Variants in DLC1 observed in about 807,000 individuals in gnomAD.
The protein encoded by DLC1 is DLC1 Rho GTPase activating protein, also known as rho GTPase-activating protein 7.
DLC1 carries 54 observed loss-of-function variants against 140.3 expected under a neutral mutation model. The observed-to-expected ratio is 0.38, with a 90% confidence interval of 0.31 to 0.48. The LOEUF (loss-of-function observed/expected upper bound fraction) is 0.48, where lower values mean the gene tolerates loss of function less well. Ranked by LOEUF, DLC1 falls within the 20% of genes least tolerant of loss-of-function variation. The pLI is 0.96. For missense variants in DLC1, 2,536 were observed against 1,907.0 expected (o/e 1.33, Z -6.14); for synonymous variants, 986 against 728.1 (o/e 1.35, Z -5.70).
chr8:13,487,513 A>G (rs1292876111), intron 2 of DLC1, among the ~76,000 whole-genome samples: 1 of 152,054 alleles, frequency 6.6e-6, no homozygotes, highest in Non-Finnish European at 1.5e-5. Context: ...CGAACAGCAT[A>G]GCTGTTGAAC....
chr8:13,409,936 A>G (rs7815230), intron 2 of DLC1, among the ~76,000 whole-genome samples: 12,374 of 152,146 alleles, frequency 0.081, 1,239 homozygotes, highest in East Asian at 0.44. Context: ...GGATGTATTC[A>G]TAGCACAGCT....
intron 5 of DLC1, among the ~76,000 whole-genome samples, chr8:13,275,490 A>G (rs1375600272): frequency 6.6e-6 from 1 of 152,218 alleles, no homozygotes; most frequent in Non-Finnish European, 1.5e-5. Flanking sequence ...AGAGCAAACA[A>G]GAAGGCACCA....
At chr8:13,143,767 G>A (rs904572818) in intron 5 of DLC1, among the ~76,000 whole-genome samples, 3 of 150,534 alleles carry the variant, frequency 2.0e-5, no homozygotes, top group African/African-American at 4.9e-5. Flanking sequence ...AATGTAAGAA[G>A]TTTGGTTGCC....
intron 2 of DLC1, among the ~76,000 whole-genome samples, chr8:13,438,755 G>A (rs1014367025): frequency 3.3e-5 from 5 of 152,058 alleles, no homozygotes; most frequent in Admixed American, 3.3e-4. Context: ...TGTCATCTCT[G>A]TGCAGGAAAC....
At chr8:13,161,654 C>G (rs573772886) in intron 5 of DLC1, among the ~76,000 whole-genome samples, 1 of 152,250 alleles carries the variant, frequency 6.6e-6, no homozygotes, top group Admixed American at 6.5e-5. Flanking sequence ...CTTTCCCTGT[C>G]CCTGCCCCTT....
At chr8:13,292,761 T>C (rs781559047) in intron 5 of DLC1, among the ~76,000 whole-genome samples, 11 of 152,378 alleles carry the variant, frequency 7.2e-5, no homozygotes, top group Admixed American at 2.6e-4. Context: ...TTTAAGAGTC[T>C]TCATTTTTAA....
At chr8:13,143,846 G>GGGAGAGAGAGAGAGAC (rs1823216442) in intron 5 of DLC1, among the ~76,000 whole-genome samples, 1 of 148,388 alleles carries the variant, frequency 6.7e-6, no homozygotes, top group Non-Finnish European at 1.5e-5. Flanking sequence ...GAGAGAGAGA[G>GGGAGAGAGAGAGAGAC]AGAGAGACAT....
chr8:13,102,620 T>C (rs1293945123), intron 8 of DLC1, among the ~76,000 whole-genome samples, 170 bp downstream of exon 8: 1 of 152,256 alleles, frequency 6.6e-6, no homozygotes, highest in African/African-American at 2.4e-5. Flanking sequence ...TTGCAACTAT[T>C]GGCTTCAACT....
chr8:13,188,843 A>ATATT (rs1247995559), intron 5 of DLC1, among the ~76,000 whole-genome samples: 8 of 30,668 alleles, frequency 2.6e-4, no homozygotes, highest in African/African-American at 8.6e-4. Context: ...ATATATATAT[A>ATATT]TTTTTTTTTT....
chr8:13,526,744 G>A (rs1209603957), intron 1 of DLC1, among the ~76,000 whole-genome samples: 4 of 151,958 alleles, frequency 2.6e-5, no homozygotes, highest in Non-Finnish European at 4.4e-5. Context: ...GACACAGGAA[G>A]GGGAACATCA....
At chr8:13,380,335 T>C (rs780170839) in intron 4 of DLC1, among the ~76,000 whole-genome samples, 44 of 152,370 alleles carry the variant, frequency 2.9e-4, no homozygotes, top group Non-Finnish European at 6.0e-4. Context: ...TTTGTATTTG[T>C]TTCCATTGTA....
intron 3 of DLC1, among the ~76,000 whole-genome samples, chr8:13,398,162 TA>T (rs747058022): frequency 1.3e-5 from 2 of 151,662 alleles, no homozygotes; most frequent in Non-Finnish European, 2.9e-5. Context: ...CTCTAAAAAA[TA>T]AAAATAAATT....
Position 13,148,380 on chromosome 8 carries a change from C to T in DLC1, c.1349-32723G>A, listed in dbSNP as rs148667951. On this transcript the variant is annotated intron_variant, in intron 5 of 17. Coordinates refer to ENST00000276297, the MANE Select transcript of DLC1 (RefSeq NM_182643.3). The stretch of plus-strand genomic sequence containing the variant: ...GCTCCCACTTACAAGTGAGAACATG[C>T]AGTATTTGGTTTTCTGTTCCTGTTA... Among the ~76,000 whole-genome samples, 1,203 of 152,272 alleles carry T rather than the reference C, an allele frequency of 7.9e-3. 13 individuals are homozygous for T. The highest frequency in any genetic ancestry group is 0.027 in the African/African-American group (1,112 of 41,544).
At chr8:13,271,147 T>A (rs1326157478) in intron 5 of DLC1, among the ~76,000 whole-genome samples, 1 of 152,210 alleles carries the variant, frequency 6.6e-6, no homozygotes. Flanking sequence ...AGATACATGT[T>A]CACATTGCAA....
At chr8:13,289,308 A>G (rs1831664959) in intron 5 of DLC1, among the ~76,000 whole-genome samples, 1 of 152,090 alleles carries the variant, frequency 6.6e-6, no homozygotes, top group African/African-American at 2.4e-5. Context: ...TTCCTGCCTC[A>G]GCCTCCAGAG....
intron 4 of DLC1, among the ~76,000 whole-genome samples, chr8:13,325,057 C>T (rs1833282795): frequency 6.6e-6 from 1 of 152,178 alleles, no homozygotes; most frequent in African/African-American, 2.4e-5. Context: ...ACATAGAAAA[C>T]AGATATAACA....
At chr8:13,257,058 A>T (rs967932190) in intron 5 of DLC1, among the ~76,000 whole-genome samples, 1 of 151,856 alleles carries the variant, frequency 6.6e-6, no homozygotes, top group Non-Finnish European at 1.5e-5. Context: ...TCTTGTTTTT[A>T]TTGGAAGATA....
chr8:13,578,088 G>A (rs1001648351), intron 1 of DLC1, among the ~76,000 whole-genome samples: 1 of 151,706 alleles, frequency 6.6e-6, no homozygotes, highest in African/African-American at 2.4e-5. Flanking sequence ...TTCTCTGTGC[G>A]TCCAGTGAAC....
At chr8:13,223,519 C>CT (rs1231223422) in intron 5 of DLC1, among the ~76,000 whole-genome samples, 2 of 152,136 alleles carry the variant, frequency 1.3e-5, no homozygotes, top group African/African-American at 4.8e-5. Flanking sequence ...CAGTGATATT[C>CT]ATTAAATATG....
Sources: allele counts gnomAD v4.1 joint callset (sites outside exome capture counted in the v4.1 genomes callset), GRCh38; gene constraint gnomAD v4.1.1; transcripts MANE v1.5; gene names NCBI Gene and HGNC (gene_info 2026-07-23, HGNC 2026-07-21).